RIF1: variants seen among roughly 807,000 people sequenced by gnomAD.
RIF1 encodes telomere-associated protein RIF1.
RIF1 carries 45 observed loss-of-function variants against 247.1 expected under a neutral mutation model. That is an observed-to-expected ratio of 0.18 (90% CI 0.14 to 0.23). The LOEUF (loss-of-function observed/expected upper bound fraction) is 0.23, where lower values mean the gene tolerates loss of function less well. Ranked by LOEUF, RIF1 falls within the 10% of genes least tolerant of loss-of-function variation. The pLI is 1.00. For missense variants in RIF1, 2,967 were observed against 2,862.5 expected (o/e 1.04, Z -0.83); for synonymous variants, 1,087 against 978.8 (o/e 1.11, Z -2.06).
At chr2:151,427,696 G>C (rs1344968686) in intron 8 of RIF1, among the ~76,000 whole-genome samples, 1 of 149,746 alleles carries the variant, frequency 6.7e-6, no homozygotes, top group Non-Finnish European at 1.5e-5. Context: ...TGAGGCGGGT[G>C]GGTCACTTGA....
the RIF1 span, among the ~76,000 whole-genome samples, chr2:151,518,716 G>T: frequency 9.9e-5 from 15 of 152,274 alleles, no homozygotes; most frequent in African/African-American, 3.6e-4. Context: ...AGAGAAAAGG[G>T]AATGGTTAAT....
chr2:151,534,380 C>A, the RIF1 span: 1 of 1,452,308 alleles, frequency 6.9e-7, no homozygotes, highest in Non-Finnish European at 9.6e-7. Flanking sequence ...ACAAAAATGT[C>A]TCAAGGTAAA....
In RIF1 at chr2:151,440,082, G is replaced by A. The variant is rs143451927; in HGVS notation, c.1602G>A (p.Leu534=). ...SEVLTLLLKS[L]ESIVKSEVFP... Reference sequence around the variant, plus strand: ...TTTTGACTCTCTTATTAAAGTCTTTGGAAAGCATAGTAAAGTCTGAAGTAT... The same window carrying A: ...TTTTGACTCTCTTATTAAAGTCTTTAGAAAGCATAGTAAAGTCTGAAGTAT... Residue 534 remains leucine (L), a synonymous_variant, in exon 15 of 36, where the codon TTG becomes TTA. Coordinates refer to ENST00000444746, the MANE Select transcript of RIF1 (RefSeq NM_018151.5). The A allele has an allele frequency of 4.4e-6, 7 of 1,597,450 alleles. No homozygotes were observed. Among genetic ancestry groups the A allele is most frequent in the African/African-American group, 4.0e-5 (3 of 74,084 alleles).
At chr2:151,447,843 G>A (rs1693592974) in intron 20 of RIF1, among the ~76,000 whole-genome samples, 1 of 152,076 alleles carries the variant, frequency 6.6e-6, no homozygotes, top group Non-Finnish European at 1.5e-5. Flanking sequence ...ACCTGGCCTG[G>A]AATTCTGTTA....
At chr2:151,490,087 AGG>A (rs34415027) in intron 9 of RIF1, 6 of 1,587,230 alleles carry the variant, frequency 3.8e-6, no homozygotes, top group Admixed American at 1.7e-5. Flanking sequence ...GCTGAAAAAA[AGG>A]GGGCAAATTC....
downstream of RIF1, among the ~76,000 whole-genome samples, chr2:151,510,644 ATTG>A (rs2073473932): frequency 6.6e-6 from 1 of 152,188 alleles, no homozygotes; most frequent in Admixed American, 6.5e-5. Flanking sequence ...TATTGTTATA[ATTG>A]TTCTATTTTA....
At position 151,465,290 on chromosome 2, in the gene RIF1, G is replaced by A. The variant is rs1268859505; in HGVS notation, c.5770G>A (p.Glu1924Lys). Residue 1924 changes from glutamate (E) to lysine (K), a missense_variant, in exon 30 of 36, where the codon GAA becomes AAA. Glu to Lys is a moderately conservative substitution (Grantham distance 56, BLOSUM62 1). This residue lies in a region of RIF1 where 2,028 missense variants were observed against 1,825.6 expected (regional missense o/e 1.11). Coordinates refer to ENST00000444746, the MANE Select transcript of RIF1 (RefSeq NM_018151.5). The part of the protein sequence containing the change: ...AKTMELNVGN[E>K]ASFHGQERTK... ...AACTATGGAATTGAATGTAGGAAAT[G>A]AAGCTAGCTTTCATGGACAAGAGAG... is the stretch of plus-strand genomic sequence containing the variant. The A allele has an allele frequency of 4.3e-6, 7 of 1,612,160 alleles. No individual in the cohort carries two copies. The highest frequency in any genetic ancestry group is 5.9e-6 in the Non-Finnish European group (7 of 1,179,570).
At chr2:151,419,721 C>G (rs1259062454) in intron 6 of RIF1, among the ~76,000 whole-genome samples, 1 of 152,160 alleles carries the variant, frequency 6.6e-6, no homozygotes, top group African/African-American at 2.4e-5. Context: ...TTTGTTTACA[C>G]CAGTGTCATC....
intron 8 of RIF1, among the ~76,000 whole-genome samples, chr2:151,427,145 C>T (rs775522244): frequency 3.3e-5 from 5 of 151,492 alleles, no homozygotes; most frequent in Non-Finnish European, 5.9e-5. Flanking sequence ...TAGGAGCATT[C>T]GTGTTGATGT....
At chr2:151,422,320 G>C (rs1382098692) in intron 7 of RIF1, among the ~76,000 whole-genome samples, 1 of 151,906 alleles carries the variant, frequency 6.6e-6, no homozygotes, top group Non-Finnish European at 1.5e-5. Context: ...CATTTTTAGG[G>C]TAAAGTATAT....
At chr2:151,485,916 C>A (rs371591500), downstream of RIF1, 2 of 1,613,810 alleles carry the variant, frequency 1.2e-6, no homozygotes, top group Non-Finnish European at 1.7e-6. Context: ...TATAGTCATA[C>A]ATGGCACGGA....
intron 4 of RIF1, 109 bp from the exon 5 acceptor site, chr2:151,416,452 A>G (rs1010035497): frequency 1.3e-5 from 13 of 1,035,156 alleles, no homozygotes; most frequent in Non-Finnish European, 1.3e-5. Flanking sequence ...TTCTCTGGAT[A>G]TACATTTAAT....
At position 151,476,996 on chromosome 2, in the gene RIF1, T is replaced by C. The variant is rs1271905546; in HGVS notation, c.*1925T>C. The stretch of plus-strand genomic sequence containing the variant: ...GAAGCCGAACAGTAATAGCAGAAAA[T>C]GTGACCAAATGAGTATCATGTACTT... On this transcript the variant is annotated 3_prime_UTR_variant, in exon 36 of 36. Coordinates refer to ENST00000444746, the MANE Select transcript of RIF1 (RefSeq NM_018151.5). 1 of 152,162 alleles carries C rather than the reference T, an allele frequency of 6.6e-6. No homozygotes were observed. Among genetic ancestry groups the C allele is most frequent in the Non-Finnish European group, 1.5e-5 (1 of 68,030 alleles). 9.4% of individuals were successfully genotyped at this position (152,162 alleles called of 1,614,324 possible). A position where few individuals can be genotyped will look rare whatever the true frequency, so the allele number is the denominator to read the frequency against.
chr2:151,530,896 G>A, the RIF1 span: 6 of 739,010 alleles, frequency 8.1e-6, no homozygotes, highest in South Asian at 1.1e-4. Context: ...GTTTTAGGGT[G>A]GTTGTTACAC....
chr2:151,497,419 G>GAAAT (rs1030680774), intron 10 of RIF1: 46 of 977,908 alleles, frequency 4.7e-5, no homozygotes, highest in Middle Eastern at 1.0e-3. Context: ...AATACCAGAT[G>GAAAT]AAATAAAAAA....
chr2:151,504,073 T>C (rs1180673229), intron 12 of RIF1, among the ~76,000 whole-genome samples: 2 of 152,166 alleles, frequency 1.3e-5, no homozygotes, highest in Non-Finnish European at 2.9e-5. Context: ...CTAAGGACTA[T>C]GCATTTTAAT....
At chr2:151,530,801 AC>A in the RIF1 span, 3 of 430,594 alleles carry the variant, frequency 7.0e-6, no homozygotes, top group Non-Finnish European at 1.2e-5. Flanking sequence ...TCTGCCAGCA[AC>A]ATGGGGAGCA....
At chr2:151,523,999 A>G in the RIF1 span, among the ~76,000 whole-genome samples, 9 of 152,214 alleles carry the variant, frequency 5.9e-5, no homozygotes, top group African/African-American at 2.2e-4. Context: ...CCCGAGGATG[A>G]AACTCTTAAG....
Position 151,501,484 on chromosome 2 carries a change from CTG to C in RIF1, c.*710-1545_*710-1544del, listed in dbSNP as rs1217738625. 1 of 1,470,492 alleles carries C rather than the reference CTG, an allele frequency of 6.8e-7. No individual in the cohort carries two copies. The highest frequency in any genetic ancestry group is 1.4e-5 in the African/African-American group (1 of 70,844). The allele number at this position is 1,470,492 out of a possible 1,614,324, so 91.1% of individuals were successfully genotyped here. On this transcript the variant is annotated intron_variant and NMD_transcript_variant, in intron 11 of 13. Coordinates refer to the RIF1 transcript ENST00000454583. Reference sequence around the variant, plus strand: ...TGCTCAAGTTCTCTTTGTACAATATCTGTGTGCACAAAACCAACAAACAAATC... The same window carrying C: ...TGCTCAAGTTCTCTTTGTACAATATCTGTGCACAAAACCAACAAACAAATC...
Sources: allele counts gnomAD v4.1 joint callset (sites outside exome capture counted in the v4.1 genomes callset), GRCh38; gene constraint gnomAD v4.1.1; regional missense constraint gnomAD v4.1.1; transcripts MANE v1.5; gene names NCBI Gene and HGNC (gene_info 2026-07-23, HGNC 2026-07-21).